The following SRC variants were observed in gnomAD, a reference collection of about 807,000 sequenced individuals.
The protein encoded by SRC is SRC proto-oncogene, non-receptor tyrosine kinase, also known as proto-oncogene tyrosine-protein kinase Src.
Under a neutral mutation model 62.9 loss-of-function variants are expected in SRC, and 13 were observed. The observed-to-expected ratio is 0.21, with a 90% CI of 0.13 to 0.33. SRC has a LOEUF of 0.33. SRC is among the 10% of genes least tolerant of loss of function. SRC has a pLI of 1.00. For synonymous variants in SRC, 302 were observed against 317.5 expected (o/e 0.95, Z 0.52); for missense variants, 457 against 737.3 (o/e 0.62, Z 4.40).
At chr20:37,378,157 T>G (rs2147019299) in intron 2 of SRC, among the ~76,000 whole-genome samples, 1 of 150,040 alleles carries the variant, frequency 6.7e-6, no homozygotes, top group Admixed American at 6.6e-5. Flanking sequence ...CCTTTCTTTC[T>G]TCTCTTTTTT....
chr20:37,349,538 G>T (rs1308018497), intron 1 of SRC, among the ~76,000 whole-genome samples: 2 of 152,218 alleles, frequency 1.3e-5, no homozygotes, highest in Non-Finnish European at 2.9e-5. Flanking sequence ...ATACCTCCTT[G>T]TTGGATTAGG....
In SRC at chr20:37,397,158, G is replaced by T. The variant is rs910193728; in HGVS notation, c.704-541G>T. Among the ~76,000 whole-genome samples, 2 of 151,956 alleles carry T rather than the reference G, an allele frequency of 1.3e-5. No homozygotes were observed. The highest frequency in any genetic ancestry group is 4.8e-5 in the African/African-American group (2 of 41,348). On this transcript the variant is annotated intron_variant, in intron 8 of 13. Transcript: ENST00000373578. The surrounding 1 kb of genome is among the most constrained non-coding windows in gnomAD (Gnocchi z 4.1). ...CCACCCTTCCCCACCTGCTCCCTGC[G>T]CCCCTTTGTCCTCCGCTTCTCCAGC...
In SRC at chr20:37,402,357, C is replaced by A; in HGVS notation, c.1117-78C>A. 1.3e-6 allele frequency: 2 copies of A among 1,550,798 alleles called. No homozygotes were observed. Among genetic ancestry groups the A allele is most frequent in the Non-Finnish European group, 1.7e-6 (2 of 1,147,406 alleles). ...GAGGGTGGGGAAGGGGTGGTTGGCTCTCCAGCCCCAGAGTGCTCTGTGGCC... is the reference window on the plus strand; with the variant it reads ...GAGGGTGGGGAAGGGGTGGTTGGCTATCCAGCCCCAGAGTGCTCTGTGGCC... On this transcript the variant is annotated intron_variant, in intron 11 of 13. Coordinates refer to ENST00000373578, the MANE Select transcript of SRC (RefSeq NM_198291.3). The surrounding 1 kb of genome is among the most constrained non-coding windows in gnomAD (Gnocchi z 6.2).
chr20:37,378,159 C>CCCTT (rs2070305224), intron 2 of SRC, among the ~76,000 whole-genome samples: 1 of 140,844 alleles, frequency 7.1e-6, no homozygotes, highest in African/African-American at 2.8e-5. Context: ...TTTCTTTCTT[C>CCCTT]TCTTTTTTTT....
At chr20:37,368,954 G>A (rs2070120086) in intron 2 of SRC, among the ~76,000 whole-genome samples, 1 of 152,172 alleles carries the variant, frequency 6.6e-6, no homozygotes, top group African/African-American at 2.4e-5. Context: ...AAGGTGTCCA[G>A]CTTCTTCTCC....
At chr20:37,386,268 A>T (rs1415182203) in intron 5 of SRC, 94 bp downstream of exon 5, 30 of 1,239,006 alleles carry the variant, frequency 2.4e-5, no homozygotes, top group Non-Finnish European at 3.2e-5. Context: ...AGGGCAGCAC[A>T]GTGCAGAGCC....
At chr20:37,368,689 A>G (rs1355156700) in intron 2 of SRC, among the ~76,000 whole-genome samples, 72 of 148,048 alleles carry the variant, frequency 4.9e-4, no homozygotes, top group Middle Eastern at 3.5e-3. Flanking sequence ...AGTAGCTGGG[A>G]CTACAGGCGC....
chr20:37,355,468 G>T (rs1009996405), intron 1 of SRC, among the ~76,000 whole-genome samples: 2 of 152,312 alleles, frequency 1.3e-5, no homozygotes, highest in South Asian at 4.1e-4. Context: ...GCCACTGGGA[G>T]TGGCTCCTGG....
chr20:37,353,832 C>T (rs1568617725), intron 1 of SRC, among the ~76,000 whole-genome samples: 1 of 152,148 alleles, frequency 6.6e-6, no homozygotes, highest in Non-Finnish European at 1.5e-5. Context: ...CACTGGGCAG[C>T]GTGAAGACAG....
Position 37,402,928 on chromosome 20 carries a change from C to T in SRC, c.1402+48C>T, listed in dbSNP as rs1306209227. ...TCTGTGGTCCCTGAATCCCTCTGCC[C>T]TGGTGGCCTTGGGCAAGTCATGACT... On this transcript the variant is annotated intron_variant, in intron 13 of 13. Coordinates refer to ENST00000373578, the MANE Select transcript of SRC (RefSeq NM_198291.3). This position sits in a 1 kb window ranked among gnomAD's most constrained non-coding sequence, Gnocchi z 6.2. 4 of 1,580,460 alleles carry T rather than the reference C, an allele frequency of 2.5e-6. No homozygotes were observed. Among genetic ancestry groups the T allele is most frequent in the South Asian group, 1.2e-5 (1 of 86,648 alleles).
At chr20:37,391,397 T>G (rs6124932) in intron 5 of SRC, among the ~76,000 whole-genome samples, 8,919 of 152,278 alleles carry the variant, frequency 0.059, 613 homozygotes, top group East Asian at 0.2. Flanking sequence ...CCATGTGGCT[T>G]TGGGCAAATC....
intron 2 of SRC, among the ~76,000 whole-genome samples, chr20:37,368,770 C>A (rs2070116547): frequency 1.3e-5 from 2 of 151,740 alleles, no homozygotes; most frequent in South Asian, 4.1e-4. Context: ...CCGGGATGGT[C>A]TCGATCTCCT....
chr20:37,386,183 C>A lies in SRC; in HGVS notation c.350+9C>A. The stretch of plus-strand genomic sequence containing the variant: ...CAGATTGTCAACAACACGTGAGTGC[C>A]CCCTTCCCTATTGCCCCTCAGGGCT... On this transcript the variant is annotated intron_variant, in intron 5 of 13. Coordinates refer to ENST00000373578, the MANE Select transcript of SRC (RefSeq NM_198291.3). 1 of 1,613,646 alleles carries A rather than the reference C, an allele frequency of 6.2e-7. No homozygotes were observed. The highest frequency in any genetic ancestry group is 8.5e-7 in the Non-Finnish European group (1 of 1,179,552).
chr20:37,368,578 A>G (rs2146969996), intron 2 of SRC, among the ~76,000 whole-genome samples: 3 of 83,192 alleles, frequency 3.6e-5, no homozygotes, highest in East Asian at 4.2e-4. Flanking sequence ...TTTGAGACGG[A>G]GTCTCGCTCT....
chr20:37,350,275 T>G (rs2069783238), intron 1 of SRC, among the ~76,000 whole-genome samples: 1 of 152,208 alleles, frequency 6.6e-6, no homozygotes, highest in South Asian at 2.1e-4. Flanking sequence ...TCCCAGGATG[T>G]CCCAAGAGGA....
Position 37,384,101 on chromosome 20 carries a change from G to A in SRC, c.-4-49G>A. ...ATGGGTGGGAGGGAGGCCGGCCAAG[G>A]GGCCCCGGCAGCCCTGCCTGTTCCA... On this transcript the variant is annotated intron_variant, in intron 3 of 13. Transcript: ENST00000373578. The surrounding 1 kb of genome is among the most constrained non-coding windows in gnomAD (Gnocchi z 6.7). The A allele has an allele frequency of 1.3e-6, 2 of 1,585,556 alleles. No homozygotes were observed. The highest frequency in any genetic ancestry group is 1.7e-6 in the Non-Finnish European group (2 of 1,171,444).
At chr20:37,364,044 C>G (rs1230795639) in intron 1 of SRC, among the ~76,000 whole-genome samples, 1 of 152,130 alleles carries the variant, frequency 6.6e-6, no homozygotes, top group Non-Finnish European at 1.5e-5. Flanking sequence ...CACCACTGCT[C>G]TTCCCTGCCC....
rs142776651 is a variant in SRC, at chr20:37,404,224, A to G, written c.*845A>G. On this transcript the variant is annotated 3_prime_UTR_variant, in exon 14 of 14. Transcript: ENST00000373578. ...CAAGGGGTCTGAGGATGCATTCGAGATGGCAGATTCCCACTGCCGCTGCCC... is the reference window on the plus strand; with the variant it reads ...CAAGGGGTCTGAGGATGCATTCGAGGTGGCAGATTCCCACTGCCGCTGCCC... The G allele has an allele frequency of 1.6e-4, 38 of 233,564 alleles. No homozygotes were observed. Among genetic ancestry groups the G allele is most frequent in the African/African-American group, 8.4e-4 (38 of 45,406 alleles). 14.5% of individuals were successfully genotyped at this position (233,564 alleles called of 1,614,324 possible).
At chr20:37,388,136 T>C (rs1218627842) in intron 5 of SRC, among the ~76,000 whole-genome samples, 1 of 152,094 alleles carries the variant, frequency 6.6e-6, no homozygotes, top group Non-Finnish European at 1.5e-5. Context: ...CTACCAAGCG[T>C]CTCAGACTGG....
Sources: gnomAD v4.1 joint callset for allele counts (sites outside exome capture counted in the v4.1 genomes callset) on GRCh38, gnomAD v4.1.1 for gene constraint, Gnocchi (gnomAD v3.1) non-coding constraint, MANE v1.5 for transcripts, NCBI Gene and HGNC (gene_info 2026-07-23, HGNC 2026-07-21) for gene names.